FAM118A: variants seen among roughly 807,000 people sequenced by gnomAD.
The protein encoded by FAM118A is protein FAM118A.
Under a neutral mutation model 38.2 loss-of-function variants are expected in FAM118A, and 25 were observed. The observed-to-expected ratio is 0.65, with a 90% CI of 0.48 to 0.91. FAM118A has a LOEUF of 0.91. Ranked by LOEUF, FAM118A falls within the 40% of genes least tolerant of loss-of-function variation. The pLI, the probability that FAM118A is intolerant of heterozygous loss-of-function variation, is 0.00. For synonymous variants in FAM118A, 178 were observed against 184.1 expected (o/e 0.97, Z 0.27); for missense variants, 425 against 463.3 (o/e 0.92, Z 0.76).
Position 45,327,996 on chromosome 22 carries a change from T to C in FAM118A, c.455T>C (p.Leu152Pro). The change falls in exon 4 of 9, where the codon CTG (leucine) becomes CCG (proline). Residue 152 changes from leucine (L) to proline (P), a missense_variant. By Grantham distance (98) the Leu-to-Pro change is moderately conservative. Coordinates refer to ENST00000441876, the MANE Select transcript of FAM118A (RefSeq NM_017911.4). The part of the protein sequence containing the change: ...AMVLTTNYDN[L>P]LEAFGRRQNK... Reference sequence around the variant, plus strand: ...GTCCTGACCACCAACTATGACAACCTGCTGGAGGCCTTTGGCCGGCGGCAG... The same window carrying C: ...GTCCTGACCACCAACTATGACAACCCGCTGGAGGCCTTTGGCCGGCGGCAG... 1 of 1,613,534 alleles carries C rather than the reference T, an allele frequency of 6.2e-7. No homozygotes were observed. Among genetic ancestry groups the C allele is most frequent in the Non-Finnish European group, 8.5e-7 (1 of 1,179,846 alleles).
intron 6 of FAM118A, among the ~76,000 whole-genome samples, chr22:45,334,219 GAATT>G (rs1159753781): frequency 6.6e-6 from 1 of 152,156 alleles, no homozygotes; most frequent in African/African-American, 2.4e-5. Context: ...TGATATAAGG[GAATT>G]AATAGCTGCG....
chr22:45,335,471 T>C, intron 7 of FAM118A, 89 bp downstream of exon 7: 3 of 1,461,554 alleles, frequency 2.1e-6, no homozygotes, highest in Non-Finnish European at 2.9e-6. Context: ...TAAACGTTTG[T>C]TTTTCACCTT....
chr22:45,337,701 T>G (rs771703004), intron 8 of FAM118A: 54 of 313,600 alleles, frequency 1.7e-4, no homozygotes, highest in Non-Finnish European at 2.3e-4. Flanking sequence ...CCTCCTGAGC[T>G]CCCCTCCTTC....
In FAM118A at chr22:45,335,343, C is replaced by G; in HGVS notation, c.938-7C>G. On this transcript the variant is annotated splice_region_variant and splice_polypyrimidine_tract_variant and intron_variant, in intron 6 of 8. Coordinates refer to ENST00000441876, the MANE Select transcript of FAM118A (RefSeq NM_017911.4). ...GGCTCCACTGACTGCTTTTCTTTCTCCTTCAGATGCTGATCGCGTGGACAG... is the reference window on the plus strand; with the variant it reads ...GGCTCCACTGACTGCTTTTCTTTCTGCTTCAGATGCTGATCGCGTGGACAG... The G allele has an allele frequency of 6.2e-7, 1 of 1,614,230 alleles. No individual in the cohort carries two copies. The highest frequency in any genetic ancestry group is 8.5e-7 in the Non-Finnish European group (1 of 1,180,030).
chr22:45,338,615 C>G (rs114271335), intron 8 of FAM118A, among the ~76,000 whole-genome samples: 3 of 152,236 alleles, frequency 2.0e-5, no homozygotes, highest in African/African-American at 4.8e-5. Context: ...ACCTGGTTAT[C>G]TGACTCTACT....
intron 1 of FAM118A, chr22:45,321,579 G>C (rs888943317): frequency 7.2e-5 from 11 of 152,156 alleles, no homozygotes; most frequent in African/African-American, 2.7e-4. Context: ...ACCATGCCTG[G>C]CAAATTTTTT....
At chr22:45,316,734 A>C (rs2084623007) in intron 1 of FAM118A, among the ~76,000 whole-genome samples, 2 of 152,220 alleles carry the variant, frequency 1.3e-5, no homozygotes, top group South Asian at 4.1e-4. Context: ...CTTTTGTCAC[A>C]GTGGCAGTGG....
At chr22:45,311,873 C>G (rs1351367284) in intron 1 of FAM118A, among the ~76,000 whole-genome samples, 1 of 151,946 alleles carries the variant, frequency 6.6e-6, no homozygotes, top group African/African-American at 2.4e-5. Flanking sequence ...AGCCTGGGGT[C>G]TGAACTTTAA....
chr22:45,325,893 C>T (rs1487665256), intron 3 of FAM118A, among the ~76,000 whole-genome samples: 2 of 152,088 alleles, frequency 1.3e-5, no homozygotes, highest in African/African-American at 4.8e-5. Context: ...AGCCAGGTCT[C>T]AGGTCGGGGA....
intron 6 of FAM118A, among the ~76,000 whole-genome samples, chr22:45,333,273 C>T (rs1175255577): frequency 2.6e-5 from 4 of 152,166 alleles, no homozygotes; most frequent in Non-Finnish European, 5.9e-5. Context: ...CGCCTGTCAT[C>T]CCAGTTTTTT....
intron 4 of FAM118A, chr22:45,328,633 A>T (rs1217146542): frequency 6.0e-5 from 4 of 66,612 alleles, no homozygotes; most frequent in East Asian, 9.9e-4. Flanking sequence ...CCTTTCTCTT[A>T]AAAAAAAAAA....
At chr22:45,337,854 C>T in intron 8 of FAM118A, 1 of 985,430 alleles carries the variant, frequency 1.0e-6, no homozygotes, top group Non-Finnish European at 1.2e-6. Flanking sequence ...CATCCTCATG[C>T]TCGCGGGAGT....
In FAM118A at chr22:45,322,353, A is replaced by G. The variant is rs796259102; in HGVS notation, c.-9-18A>G. ...ACCTGGGAGACAGAAGTCACTTCTG[A>G]CTAATTTTTCTCTTTAGAATTCACA... On this transcript the variant is annotated intron_variant, in intron 1 of 8. Coordinates refer to ENST00000441876, the MANE Select transcript of FAM118A (RefSeq NM_017911.4). 3.1e-6 allele frequency: 5 copies of G among 1,604,968 alleles called. No homozygotes were observed. In the African/African-American group the frequency reaches 6.7e-5, roughly 22 times the overall value.
At position 45,336,190 on chromosome 22, in the gene FAM118A, G is replaced by T. The variant is rs1036300907; in HGVS notation, c.971-138G>T. 4 of 607,796 alleles carry T rather than the reference G, an allele frequency of 6.6e-6. No individual in the cohort carries two copies. The African/African-American group carries it at 7.5e-5, about 11-fold the overall frequency. 37.7% of individuals were successfully genotyped at this position (607,796 alleles called of 1,614,324 possible). ...GAAGCATGGCTCTCTTTGGAGAGAA[G>T]CCGTAGCGTGGTTGATGTCATCTCT... On this transcript the variant is annotated intron_variant, in intron 7 of 8. Coordinates refer to ENST00000441876, the MANE Select transcript of FAM118A (RefSeq NM_017911.4).
At chr22:45,339,498 A>C (rs1189518414) in intron 8 of FAM118A, among the ~76,000 whole-genome samples, 1 of 152,362 alleles carries the variant, frequency 6.6e-6, no homozygotes, top group East Asian at 1.9e-4. Context: ...TTTGGATCAA[A>C]CTGTTTGAAA....
chr22:45,312,398 C>T (rs138739356), intron 1 of FAM118A, among the ~76,000 whole-genome samples: 248 of 152,128 alleles, frequency 1.6e-3, no homozygotes, highest in Non-Finnish European at 2.7e-3. Flanking sequence ...ATTTGCCAGT[C>T]GCGGTGGCTC....
chr22:45,322,278 G>C (rs2084923974), intron 1 of FAM118A, 93 bp from the exon 2 acceptor site: 1 of 1,582,732 alleles, frequency 6.3e-7, no homozygotes. Context: ...GAGGACCTTT[G>C]ATTTTAATTC....
At chr22:45,322,506 T>C (rs1383459371) in intron 2 of FAM118A, 80 bp downstream of exon 2, 3 of 1,266,978 alleles carry the variant, frequency 2.4e-6, no homozygotes, top group Admixed American at 2.2e-5. Context: ...ACTCGTTCTT[T>C]AGTACCTGCA....
rs1169085854 is a variant in FAM118A, at chr22:45,325,775, T to G, written c.301-2067T>G. ...CCAGGGAGAATCATCCAAGCGGACA[T>G]GAGAATCACCCCAAATTATGACGGC... On this transcript the variant is annotated intron_variant, in intron 3 of 8. Coordinates refer to ENST00000441876, the MANE Select transcript of FAM118A (RefSeq NM_017911.4). 4.6e-5 allele frequency among the ~76,000 whole-genome samples: 7 copies of G among 152,142 alleles called. No individual in the cohort carries two copies. In the South Asian group the frequency reaches 1.5e-3, roughly 32 times the overall value.
Sources: gnomAD v4.1 joint callset for allele counts (sites outside exome capture counted in the v4.1 genomes callset) on GRCh38, gnomAD v4.1.1 for gene constraint, MANE v1.5 for transcripts, NCBI Gene and HGNC (gene_info 2026-07-23, HGNC 2026-07-21) for gene names.